Variants in ACACA observed in about 807,000 individuals in gnomAD.
ACACA encodes acetyl-CoA carboxylase alpha.
In ACACA, 103 loss-of-function variants were observed where a neutral mutation model predicts 296.1. That is an observed-to-expected ratio of 0.35 (90% CI 0.30 to 0.41). The LOEUF (loss-of-function observed/expected upper bound fraction) is 0.41. ACACA is among the 10% of genes least tolerant of loss of function. ACACA has a pLI of 1.00. For missense variants in ACACA, 1,554 were observed against 2,989.7 expected (o/e 0.52, Z 11.20); for synonymous variants, 953 against 1,038.6 (o/e 0.92, Z 1.58).
At chr17:37,247,171 T>C (rs1468186330) in intron 18 of ACACA, among the ~76,000 whole-genome samples, 195 bp from the exon 19 acceptor site, 2 of 152,280 alleles carry the variant, frequency 1.3e-5, no homozygotes. Flanking sequence ...TTAAATATAG[T>C]ATAATCATAT....
chr17:37,295,614 CGTT>C (rs1448804855), intron 3 of ACACA, among the ~76,000 whole-genome samples: 1 of 151,878 alleles, frequency 6.6e-6, no homozygotes, highest in Admixed American at 6.6e-5. Flanking sequence ...CATGTTGAAA[CGTT>C]GTCTCTACTA....
At position 37,330,224 on chromosome 17, in the gene ACACA, A is replaced by G. The variant is rs1021987943; in HGVS notation, c.287T>C (p.Leu96Pro). The stretch of plus-strand genomic sequence containing the variant: ...TAGGCTAGAGATCCCCAAATCAGAG[A>G]GTGTATCTGAGCCAACAGAAGCAGG... ...LSPASVGSDT[L>P]SDLGISSLQD... is the part of the protein sequence containing the mutation. Residue 96 changes from leucine (L) to proline (P), a missense_variant, in exon 3 of 56, where the codon CTC becomes CCC. By Grantham distance (98) the Leu-to-Pro change is moderately conservative. This residue lies in a region of ACACA where 140 missense variants were observed against 147.7 expected (regional missense o/e 0.95). Coordinates refer to ENST00000616317, the MANE Select transcript of ACACA (RefSeq NM_198834.3). 1 of 1,614,154 alleles carries G rather than the reference A, an allele frequency of 6.2e-7. No individual in the cohort carries two copies. The highest frequency in any genetic ancestry group is 8.5e-7 in the Non-Finnish European group (1 of 1,180,020).
chr17:37,198,743 T>C (rs1035955459), intron 35 of ACACA, among the ~76,000 whole-genome samples: 4 of 152,192 alleles, frequency 2.6e-5, no homozygotes, highest in African/African-American at 4.8e-5. Flanking sequence ...AGCTCTCTTG[T>C]TTCTCTATAG....
chr17:37,227,650 C>T (rs1370493670), intron 25 of ACACA, among the ~76,000 whole-genome samples: 2 of 152,098 alleles, frequency 1.3e-5, no homozygotes, highest in Non-Finnish European at 2.9e-5. Context: ...GTGCGGATCA[C>T]GAGGTCGAGA....
chr17:37,288,924 T>G (rs2082916371), intron 3 of ACACA, among the ~76,000 whole-genome samples: 1 of 151,428 alleles, frequency 6.6e-6, no homozygotes, highest in Non-Finnish European at 1.5e-5. Flanking sequence ...AAGGGTAAAC[T>G]TTACTGTACT....
intron 3 of ACACA, among the ~76,000 whole-genome samples, chr17:37,302,789 C>T (rs187097391): frequency 6.6e-6 from 1 of 152,188 alleles, no homozygotes; most frequent in East Asian, 1.9e-4. Flanking sequence ...GATCTTACAC[C>T]CTGTGATCTT....
intron 1 of ACACA, among the ~76,000 whole-genome samples, chr17:37,391,028 C>G (rs2050860907): frequency 6.6e-6 from 1 of 152,066 alleles, no homozygotes; most frequent in South Asian, 2.1e-4. Context: ...ATCATGAGGT[C>G]AGGAGTTTGA....
chr17:37,358,071 T>C (rs1238603629), intron 1 of ACACA, among the ~76,000 whole-genome samples: 1 of 152,212 alleles, frequency 6.6e-6, no homozygotes, highest in Non-Finnish European at 1.5e-5. Flanking sequence ...CAGGAAGGCC[T>C]AGGGTCTTTT....
intron 1 of ACACA, among the ~76,000 whole-genome samples, chr17:37,368,064 G>C (rs1203683836): frequency 1.3e-5 from 2 of 151,530 alleles, no homozygotes; most frequent in African/African-American, 4.9e-5. Flanking sequence ...GTGAGACTCC[G>C]TCTCAAACAA....
At chr17:37,172,626 T>C (rs2144685147) in intron 41 of ACACA, among the ~76,000 whole-genome samples, 1 of 152,306 alleles carries the variant, frequency 6.6e-6, no homozygotes, top group East Asian at 1.9e-4. Flanking sequence ...TAATATATCT[T>C]TCTCTATACT....
At chr17:37,343,462 G>A (rs2048475806) in intron 1 of ACACA, among the ~76,000 whole-genome samples, 1 of 151,902 alleles carries the variant, frequency 6.6e-6, no homozygotes, top group Non-Finnish European at 1.5e-5. Context: ...GTCATAGTAA[G>A]TTCACTTAAA....
intron 45 of ACACA, among the ~76,000 whole-genome samples, chr17:37,149,135 AT>A (rs144054640): frequency 6.6e-6 from 1 of 151,990 alleles, no homozygotes; most frequent in Non-Finnish European, 1.5e-5. Context: ...CTTGCCATCC[AT>A]TTTTTTCCCC....
At chr17:37,258,461 T>A in intron 12 of ACACA, 88 bp from the exon 13 acceptor site, 1 of 1,312,224 alleles carries the variant, frequency 7.6e-7, no homozygotes, top group Non-Finnish European at 1.1e-6. Flanking sequence ...ATATTTTTAT[T>A]TTTGGAGCCA....
At chr17:37,173,901 C>T (rs1175474327) in intron 41 of ACACA, among the ~76,000 whole-genome samples, 1 of 143,048 alleles carries the variant, frequency 7.0e-6, no homozygotes, top group African/African-American at 2.6e-5. Flanking sequence ...GCATCCTCCA[C>T]CTCCTGGGCT....
At chr17:37,207,908 G>A (rs928385185) in intron 30 of ACACA, 108 bp from the exon 31 acceptor site, 1 of 1,359,458 alleles carries the variant, frequency 7.4e-7, no homozygotes, top group Non-Finnish European at 1.0e-6. Context: ...GTAGGGTCAG[G>A]TTGCAGAGCA....
Position 37,174,002 on chromosome 17 carries a change from ATATATATATATATATATATTTT to A in ACACA, c.5079+5236_5079+5257del, listed in dbSNP as rs1418533922. 2.5e-3 allele frequency among the ~76,000 whole-genome samples: 27 copies of A among 10,598 alleles called. 4 individuals carry two copies. The highest frequency in any genetic ancestry group is 4.1e-3 in the African/African-American group (5 of 1,210). The allele number at this position is 10,598 out of a possible 152,430, so 7.0% of individuals were successfully genotyped here. ...CTAATTTATATATATATATATATAT[ATATATATATATATATATATTTT>A]TTTTTTTTTTTTTTTTTGTAGCGAT... is the stretch of plus-strand genomic sequence containing the variant. On this transcript the variant is annotated intron_variant, in intron 41 of 55. Coordinates refer to ENST00000616317, the MANE Select transcript of ACACA (RefSeq NM_198834.3).
At chr17:37,251,066 C>G (rs1334489163) in intron 16 of ACACA, among the ~76,000 whole-genome samples, 1 of 152,042 alleles carries the variant, frequency 6.6e-6, no homozygotes, top group Non-Finnish European at 1.5e-5. Flanking sequence ...AAGTAAAAAA[C>G]AAAAGCATTT....
At chr17:37,234,247 TA>T (rs1228346864) in intron 25 of ACACA, among the ~76,000 whole-genome samples, 1 of 152,202 alleles carries the variant, frequency 6.6e-6, no homozygotes, top group Non-Finnish European at 1.5e-5. Flanking sequence ...GGAGTAGTCC[TA>T]CTGTACTAAT....
At chr17:37,238,966 A>G (rs894747937) in intron 24 of ACACA, among the ~76,000 whole-genome samples, 2 of 152,114 alleles carry the variant, frequency 1.3e-5, no homozygotes, top group African/African-American at 4.8e-5. Flanking sequence ...AGGTAGGACT[A>G]TAGGCATGTG....
Sources: gnomAD v4.1 joint callset for allele counts (sites outside exome capture counted in the v4.1 genomes callset) on GRCh38, gnomAD v4.1.1 for gene constraint, gnomAD v4.1.1 regional missense constraint, MANE v1.5 for transcripts, NCBI Gene and HGNC (gene_info 2026-07-23, HGNC 2026-07-21) for gene names.